Variants in HCN1 observed in about 807,000 individuals in gnomAD.
The protein encoded by HCN1 is hyperpolarization activated cyclic nucleotide gated potassium channel 1.
HCN1 carries 13 observed loss-of-function variants against 78.9 expected under a neutral mutation model. That is an observed-to-expected ratio of 0.16 (90% CI 0.11 to 0.26). HCN1 has a LOEUF of 0.26. Ranked by LOEUF, HCN1 falls within the 10% of genes least tolerant of loss-of-function variation. HCN1 has a pLI of 1.00. For missense variants in HCN1, 810 were observed against 1,154.3 expected, an observed-to-expected ratio of 0.70 and a Z score of 4.32; for synonymous variants, 552 against 455.5, an observed-to-expected ratio of 1.21 and a Z score of -2.70.
At chr5:45,268,583 A>G (rs1375687011) in intron 6 of HCN1, among the ~76,000 whole-genome samples, 1 of 152,208 alleles carries the variant, frequency 6.6e-6, no homozygotes, top group African/African-American at 2.4e-5. Context: ...CAATCTGGTA[A>G]GAACAATGTC....
intron 2 of HCN1, among the ~76,000 whole-genome samples, chr5:45,527,800 T>G (rs1742769828): frequency 1.3e-5 from 2 of 151,992 alleles, no homozygotes; most frequent in African/African-American, 2.4e-5. Flanking sequence ...TATTAATTTT[T>G]TTATATTTTC....
chr5:45,279,641 A>T (rs781006177), intron 6 of HCN1, among the ~76,000 whole-genome samples: 1 of 152,130 alleles, frequency 6.6e-6, no homozygotes, highest in Non-Finnish European at 1.5e-5. Flanking sequence ...ATAAAATCTC[A>T]TATGTTCCTT....
At chr5:45,386,690 A>G (rs1010127948) in intron 4 of HCN1, among the ~76,000 whole-genome samples, 1 of 152,160 alleles carries the variant, frequency 6.6e-6, no homozygotes, top group African/African-American at 2.4e-5. Flanking sequence ...ATTTGGAAAT[A>G]AAATTTAAAA....
intron 5 of HCN1, among the ~76,000 whole-genome samples, chr5:45,338,811 C>T (rs1011084327): frequency 2.6e-5 from 4 of 152,080 alleles, no homozygotes; most frequent in African/African-American, 7.2e-5. Context: ...TCTTACTAAA[C>T]TTTTCTTCAA....
chr5:45,635,740 AAGCAGGTCTTTCTC>A (rs1220271858), intron 2 of HCN1, among the ~76,000 whole-genome samples: 1 of 152,176 alleles, frequency 6.6e-6, no homozygotes. Flanking sequence ...AAAGAAGTCA[AAGCAGGTCTTTCTC>A]AGCCATTACC....
intron 2 of HCN1, among the ~76,000 whole-genome samples, chr5:45,561,420 CA>C (rs1246291970): frequency 6.6e-6 from 1 of 151,964 alleles, no homozygotes; most frequent in African/African-American, 2.4e-5. Context: ...ACCATTATGG[CA>C]CACTTAAGTT....
Position 45,667,212 on chromosome 5 carries a change from C to T in HCN1, c.426-21604G>A, listed in dbSNP as rs562751472. On this transcript the variant is annotated intron_variant, in intron 1 of 7. Coordinates refer to ENST00000303230, the MANE Select transcript of HCN1 (RefSeq NM_021072.4). ...GCATACTTTCAACTATCAGGAGCCC[C>T]TAAAGTCACCTAGTGGTTTCTCATG... Among the ~76,000 whole-genome samples the T allele has an allele frequency of 2.1e-3, 318 of 151,952 alleles. 9 individuals are homozygous for T. The highest frequency in any genetic ancestry group is 0.021 in the Admixed American group (316 of 15,232).
chr5:45,695,704 T>G lies in HCN1; in HGVS notation c.390A>C (p.Ala130=), dbSNP rs1368467625. 1 of 1,612,524 alleles carries G rather than the reference T, an allele frequency of 6.2e-7. No homozygotes were observed. Among genetic ancestry groups the G allele is most frequent in the South Asian group, 1.1e-5 (1 of 91,080 alleles). Reference sequence around the variant, plus strand: ...TGTAAGGGTGGATAATCCAGAAGCCTGCAGTTTTAACCCTTTCCTGCTCCT... The same window carrying G: ...TGTAAGGGTGGATAATCCAGAAGCCGGCAGTTTTAACCCTTTCCTGCTCCT... ...VEKEQERVKT[A]GFWIIHPYSD... is the part of the protein sequence containing the mutation. Residue 130 remains alanine, a synonymous_variant, in exon 1 of 8, where the codon GCA becomes GCC. Transcript: ENST00000303230.
chr5:45,355,422 C>T (rs897017825), intron 4 of HCN1, among the ~76,000 whole-genome samples: 8 of 151,948 alleles, frequency 5.3e-5, no homozygotes, highest in African/African-American at 1.7e-4. Flanking sequence ...AGAAACTCTA[C>T]ATTTGGGACA....
chr5:45,620,806 C>A (rs763324959), intron 2 of HCN1, among the ~76,000 whole-genome samples: 1 of 152,106 alleles, frequency 6.6e-6, no homozygotes, highest in Non-Finnish European at 1.5e-5. Flanking sequence ...CTGTATCTGA[C>A]AAGTCTACAG....
At chr5:45,365,703 C>T (rs1014789169) in intron 4 of HCN1, among the ~76,000 whole-genome samples, 20 of 151,780 alleles carry the variant, frequency 1.3e-4, no homozygotes, top group Non-Finnish European at 1.5e-5. Context: ...TGGGTCAATA[C>T]CAAGCAGTGG....
At chr5:45,413,299 A>T (rs1405678162) in intron 3 of HCN1, among the ~76,000 whole-genome samples, 1 of 152,102 alleles carries the variant, frequency 6.6e-6, no homozygotes, top group Non-Finnish European at 1.5e-5. Context: ...TAAATATTTT[A>T]ATTTCAGATA....
intron 2 of HCN1, among the ~76,000 whole-genome samples, chr5:45,548,998 G>T (rs1289164956): frequency 6.6e-6 from 1 of 151,108 alleles, no homozygotes; most frequent in African/African-American, 2.4e-5. Flanking sequence ...AATAAAAGAG[G>T]ATACAAACAA....
At chr5:45,489,830 T>C (rs1269189281) in intron 2 of HCN1, among the ~76,000 whole-genome samples, 1 of 152,170 alleles carries the variant, frequency 6.6e-6, no homozygotes, top group East Asian at 1.9e-4. Flanking sequence ...TAGGCTACCA[T>C]AGTGGGTGCT....
At chr5:45,407,012 C>A (rs1407997860) in intron 3 of HCN1, among the ~76,000 whole-genome samples, 1 of 152,150 alleles carries the variant, frequency 6.6e-6, no homozygotes, top group Non-Finnish European at 1.5e-5. Flanking sequence ...AGAAGAAAAT[C>A]CTTGCCCGAG....
chr5:45,375,279 AT>A (rs1451221367), intron 4 of HCN1, among the ~76,000 whole-genome samples: 3 of 118,872 alleles, frequency 2.5e-5, no homozygotes, highest in Admixed American at 2.1e-4. Flanking sequence ...TATATAATAT[AT>A]TATACATAAT....
chr5:45,621,883 GA>G (rs920199075), intron 2 of HCN1, among the ~76,000 whole-genome samples: 3 of 151,834 alleles, frequency 2.0e-5, no homozygotes, highest in South Asian at 2.1e-4. Flanking sequence ...AACCTAAGCA[GA>G]AAAAAAATTG....
At chr5:45,301,737 A>AAG (rs938394897) in intron 6 of HCN1, among the ~76,000 whole-genome samples, 1 of 151,268 alleles carries the variant, frequency 6.6e-6, no homozygotes, top group Non-Finnish European at 1.5e-5. Context: ...AAAAAAAAAA[A>AAG]AAAGAAAGAA....
At chr5:45,673,927 C>T (rs977146548) in intron 1 of HCN1, among the ~76,000 whole-genome samples, 22 of 151,368 alleles carry the variant, frequency 1.5e-4, no homozygotes, top group African/African-American at 5.1e-4. Flanking sequence ...AAATTATGTG[C>T]CCCTAAATAA....
Sources: allele counts gnomAD v4.1 joint callset (sites outside exome capture counted in the v4.1 genomes callset), GRCh38; gene constraint gnomAD v4.1.1; transcripts MANE v1.5; gene names NCBI Gene and HGNC (gene_info 2026-07-23, HGNC 2026-07-21).